Variants in SH3BP2 observed in about 807,000 individuals in gnomAD.
SH3BP2 encodes the protein SH3 domain-binding protein 2.
Under a neutral mutation model 56.2 loss-of-function variants are expected in SH3BP2, and 38 were observed. The ratio of observed to expected loss-of-function variants is 0.68; its 90% CI spans 0.52 to 0.89. The LOEUF is 0.89. Among genes scored for constraint, SH3BP2 ranks in the 40% least tolerant of loss-of-function variants. The probability of loss-of-function intolerance (pLI) is 0.00; values close to 1 mark genes in which losing one functional copy is unlikely to be tolerated. For missense variants in SH3BP2, 748 were observed against 762.6 expected (o/e 0.98, Z 0.23); for synonymous variants, 346 against 316.7 (o/e 1.09, Z -0.98).
Position 2,833,058 on chromosome 4 carries a change from G to T in SH3BP2, c.1548+9G>T, listed in dbSNP as rs774937817. 17 of 1,613,662 alleles carry T rather than the reference G, an allele frequency of 1.1e-5. No individual in the cohort carries two copies. Among genetic ancestry groups the T allele is most frequent in the Non-Finnish European group, 1.4e-5 (17 of 1,179,666 alleles). On this transcript the variant is annotated intron_variant, in intron 12 of 12. Transcript: ENST00000503393. Reference sequence around the variant, plus strand: ...ATCGCATTTTTGAGAAGGTGAGAGGGCTCTGAGTGGGACGGGGACCCTGGC... The same window carrying T: ...ATCGCATTTTTGAGAAGGTGAGAGGTCTCTGAGTGGGACGGGGACCCTGGC...
At chr4:2,816,959 C>T (rs756029789) in intron 1 of SH3BP2, among the ~76,000 whole-genome samples, 1 of 152,200 alleles carries the variant, frequency 6.6e-6, no homozygotes, top group African/African-American at 2.4e-5. Context: ...GAGTTCCCTC[C>T]TCTTCTATTT....
At chr4:2,807,600 G>A (rs1412309391) in intron 1 of SH3BP2, among the ~76,000 whole-genome samples, 1 of 152,212 alleles carries the variant, frequency 6.6e-6, no homozygotes, top group Non-Finnish European at 1.5e-5. Flanking sequence ...ATGTGGAGGT[G>A]ACTGCAGGTA....
chr4:2,831,563 C>T lies in SH3BP2; in HGVS notation c.1242-8C>T. On this transcript the variant is annotated splice_region_variant and splice_polypyrimidine_tract_variant and intron_variant, in intron 8 of 12. Coordinates refer to ENST00000503393, the MANE Select transcript of SH3BP2 (RefSeq NM_001122681.2). This position sits in a 1 kb window ranked among gnomAD's most constrained non-coding sequence, Gnocchi z 4.1. ...AATGGTCCTGCCTTCCTCTCCCTGCCCCTCCAGGCGATCACCCCCCGATGG... is the reference window on the plus strand; with the variant it reads ...AATGGTCCTGCCTTCCTCTCCCTGCTCCTCCAGGCGATCACCCCCCGATGG... 6.4e-7 allele frequency: 1 copy of T among 1,566,512 alleles called. No homozygotes were observed. Among genetic ancestry groups the T allele is most frequent in the Non-Finnish European group, 8.7e-7 (1 of 1,154,078 alleles).
In SH3BP2 at chr4:2,825,089, G is replaced by T. The variant is rs1304378617; in HGVS notation, c.358-37G>T. 4 of 1,542,280 alleles carry T rather than the reference G, an allele frequency of 2.6e-6. No homozygotes were observed. The African/African-American group carries it at 5.5e-5, about 21-fold the overall frequency. On this transcript the variant is annotated intron_variant, in intron 4 of 12. Transcript: ENST00000503393. ...GAGGGGTGCGGTGGGGCCCACCCTGGTGGCACCGTGCCCACCACAGCCCCG... is the reference window on the plus strand; with the variant it reads ...GAGGGGTGCGGTGGGGCCCACCCTGTTGGCACCGTGCCCACCACAGCCCCG...
At chr4:2,802,898 G>A (rs1039699292) in intron 1 of SH3BP2, among the ~76,000 whole-genome samples, 1 of 152,146 alleles carries the variant, frequency 6.6e-6, no homozygotes, top group South Asian at 2.1e-4. Flanking sequence ...CTGGGTAAGC[G>A]AGGGGCCCAA....
chr4:2,796,440 A>G (rs1723064436), intron 1 of SH3BP2: 1 of 985,262 alleles, frequency 1.0e-6, no homozygotes, highest in African/African-American at 1.7e-5. Flanking sequence ...CCGATCACAG[A>G]TCGTGCTGGA....
At chr4:2,824,930 G>T (rs866695515) in intron 4 of SH3BP2, 196 bp from the exon 5 acceptor site, 2 of 670,782 alleles carry the variant, frequency 3.0e-6, no homozygotes, top group Admixed American at 4.6e-5. Flanking sequence ...TGGTGCCAGC[G>T]CCCACACAAG....
rs973797719 is a variant in SH3BP2 at position 2,829,181 on chromosome 4, C to G, written c.587-312C>G. Among the ~76,000 whole-genome samples, 3 of 152,210 alleles carry G rather than the reference C, an allele frequency of 2.0e-5. No homozygotes were observed. Among genetic ancestry groups the G allele is most frequent in the African/African-American group, 7.2e-5 (3 of 41,446 alleles). On this transcript the variant is annotated intron_variant, in intron 7 of 12. Transcript: ENST00000503393. This position sits in a 1 kb window ranked among gnomAD's most constrained non-coding sequence, Gnocchi z 4.9. ...GCTCCAGCCGAGCCCTGAGATCCTTCTTGACTTCTCTTCCTTTCTCTTCCT... is the reference window on the plus strand; with the variant it reads ...GCTCCAGCCGAGCCCTGAGATCCTTGTTGACTTCTCTTCCTTTCTCTTCCT...
intron 1 of SH3BP2, among the ~76,000 whole-genome samples, chr4:2,799,746 G>A (rs28625779): frequency 2.6e-5 from 4 of 152,206 alleles, no homozygotes; most frequent in South Asian, 2.1e-4. Flanking sequence ...CTTCCAGTAC[G>A]AAGCTGGGAA....
chr4:2,818,729 T>C (rs1158516421), intron 1 of SH3BP2: 9 of 991,064 alleles, frequency 9.1e-6, no homozygotes, highest in Middle Eastern at 5.1e-4. Flanking sequence ...TGGCCTGTGG[T>C]TGGGGGTCCT....
chr4:2,816,525 G>A (rs1724006925), intron 1 of SH3BP2, among the ~76,000 whole-genome samples: 1 of 152,144 alleles, frequency 6.6e-6, no homozygotes, highest in South Asian at 2.1e-4. Flanking sequence ...CCTTGTTCCT[G>A]TTCTTGGGGG....
Position 2,810,731 on chromosome 4 carries a change from T to TC in SH3BP2, c.-4-9879dup, listed in dbSNP as rs1294389761. On this transcript the variant is annotated intron_variant, in intron 1 of 12. Coordinates refer to ENST00000503393, the MANE Select transcript of SH3BP2 (RefSeq NM_001122681.2). This position sits in a 1 kb window ranked among gnomAD's most constrained non-coding sequence, Gnocchi z 4.2. ...GCTGGGCCCCTCCTCTGGGAGGCGTTCCCCAGTCCAGAACCCACAGGGCCT... is the reference window on the plus strand; with the variant it reads ...GCTGGGCCCCTCCTCTGGGAGGCGTTCCCCCAGTCCAGAACCCACAGGGCCT... 2.6e-5 allele frequency among the ~76,000 whole-genome samples: 4 copies of TC among 151,942 alleles called. No homozygotes were observed. The highest frequency in any genetic ancestry group is 4.4e-5 in the Non-Finnish European group (3 of 67,972).
intron 3 of SH3BP2, among the ~76,000 whole-genome samples, chr4:2,823,838 G>A (rs1724444076): frequency 6.6e-6 from 1 of 152,240 alleles, no homozygotes; most frequent in Non-Finnish European, 1.5e-5. Context: ...CCTGCACCCT[G>A]GCCACAGGCC....
rs200183258 is a variant in SH3BP2 at position 2,827,260 on chromosome 4, C to T, written c.459C>T (p.Tyr153=). ...SDSSSDTDSF[Y]GAVERPVDIS... is the part of the protein sequence containing the mutation. ...CCAGCTCGGACACAGACAGCTTCTA[C>T]GGCGCAGTTGAGCGGCCTGTGGATA... Residue 153 remains tyrosine, a synonymous_variant, in exon 6 of 13, where the codon TAC becomes TAT. Transcript: ENST00000503393. The T allele has an allele frequency of 2.0e-4, 324 of 1,614,076 alleles. 1 individual carries two copies. The highest frequency in any genetic ancestry group is 6.6e-4 in the Middle Eastern group (4 of 6,082).
chr4:2,824,885 G>A, intron 4 of SH3BP2, 155 bp downstream of exon 4: 1 of 691,922 alleles, frequency 1.4e-6, no homozygotes, highest in Non-Finnish European at 2.5e-6. Context: ...CAGCTGGGTG[G>A]GTGCTGCCCC....
At chr4:2,804,230 G>C (rs963536123) in intron 1 of SH3BP2, among the ~76,000 whole-genome samples, 1 of 152,144 alleles carries the variant, frequency 6.6e-6, no homozygotes, top group Admixed American at 6.5e-5. Context: ...GAGTCTCTGC[G>C]GATGCGTGGA....
chr4:2,831,561 G>T lies in SH3BP2; in HGVS notation c.1242-10G>T, dbSNP rs760932662. On this transcript the variant is annotated splice_polypyrimidine_tract_variant and intron_variant, in intron 8 of 12. Transcript: ENST00000503393. The surrounding 1 kb of genome is among the most constrained non-coding windows in gnomAD (Gnocchi z 4.1). ...GAAATGGTCCTGCCTTCCTCTCCCTGCCCCTCCAGGCGATCACCCCCCGAT... is the reference window on the plus strand; with the variant it reads ...GAAATGGTCCTGCCTTCCTCTCCCTTCCCCTCCAGGCGATCACCCCCCGAT... 2 of 1,563,576 alleles carry T rather than the reference G, an allele frequency of 1.3e-6. No homozygotes were observed. The highest frequency in any genetic ancestry group is 1.7e-6 in the Non-Finnish European group (2 of 1,152,388).
chr4:2,818,236 G>GGGCC, intron 1 of SH3BP2: 5 of 988,186 alleles, frequency 5.1e-6, no homozygotes, highest in Non-Finnish European at 3.6e-6. Context: ...GGCGGGCTCC[G>GGGCC]GGCCGCGGCC....
chr4:2,832,562 C>G (rs976613456), intron 11 of SH3BP2, 150 bp downstream of exon 11: 3 of 721,290 alleles, frequency 4.2e-6, no homozygotes, highest in African/African-American at 1.8e-5. Flanking sequence ...GCAGCACCCC[C>G]CAATCTATTC....
Sources: gnomAD v4.1 joint callset for allele counts (sites outside exome capture counted in the v4.1 genomes callset) on GRCh38, gnomAD v4.1.1 for gene constraint, Gnocchi (gnomAD v3.1) non-coding constraint, MANE v1.5 for transcripts, NCBI Gene and HGNC (gene_info 2026-07-23, HGNC 2026-07-21) for gene names.